The following NRG1 variants were observed in gnomAD, a reference collection of about 807,000 sequenced individuals.
The protein encoded by NRG1 is pro-neuregulin-1, membrane-bound isoform.
In NRG1, 18 loss-of-function variants were observed where a neutral mutation model predicts 63.8. The ratio of observed to expected loss-of-function variants is 0.28; its 90% CI spans 0.19 to 0.42. NRG1 has a LOEUF of 0.42. NRG1 is among the 10% of genes least tolerant of loss of function. NRG1 has a pLI of 1.00. For missense variants in NRG1, 762 were observed against 814.7 expected (o/e 0.94, Z 0.79); for synonymous variants, 302 against 301.3 (o/e 1.00, Z -0.02).
At chr8:31,833,209 T>C (rs1055859986) in intron 1 of NRG1, among the ~76,000 whole-genome samples, 1 of 152,154 alleles carries the variant, frequency 6.6e-6, no homozygotes, top group Non-Finnish European at 1.5e-5. Flanking sequence ...GTTTTTTTGA[T>C]TGGTTAACTT....
At chr8:32,372,261 A>C (rs1461187941) in intron 1 of NRG1, among the ~76,000 whole-genome samples, 1 of 151,996 alleles carries the variant, frequency 6.6e-6, no homozygotes, top group East Asian at 1.9e-4. Flanking sequence ...AAGTGCTGGG[A>C]TTACGGGTGT....
At chr8:31,887,882 A>G (rs1830843060) in intron 1 of NRG1, among the ~76,000 whole-genome samples, 1 of 152,010 alleles carries the variant, frequency 6.6e-6, no homozygotes, top group South Asian at 2.1e-4. Context: ...AAAAGTTAGA[A>G]TATGTTTTCC....
At chr8:32,746,337 C>T (rs539897432) in intron 7 of NRG1, among the ~76,000 whole-genome samples, 17 of 152,072 alleles carry the variant, frequency 1.1e-4, no homozygotes, top group Admixed American at 3.3e-4. Context: ...GAAATCTCAG[C>T]GGTACAGAAA....
At chr8:31,688,378 A>G (rs1809128910) in intron 1 of NRG1, among the ~76,000 whole-genome samples, 1 of 152,142 alleles carries the variant, frequency 6.6e-6, no homozygotes, top group Non-Finnish European at 1.5e-5. Flanking sequence ...GTGAGAAGGA[A>G]CCATCTGTGA....
intron 1 of NRG1, among the ~76,000 whole-genome samples, chr8:32,385,449 A>G (rs1362517084): frequency 1.3e-5 from 2 of 152,202 alleles, no homozygotes; most frequent in Non-Finnish European, 2.9e-5. Context: ...TGGGTAATTT[A>G]TAAATAAAAG....
At chr8:32,304,097 C>T (rs532305699) in intron 1 of NRG1, among the ~76,000 whole-genome samples, 21 of 152,340 alleles carry the variant, frequency 1.4e-4, no homozygotes, top group African/African-American at 4.8e-4. Context: ...TAGAAACGTT[C>T]ATGAGTGTTT....
exon 1 of NRG1, chr8:32,548,393 G>A: frequency 4.7e-6 from 5 of 1,062,000 alleles, no homozygotes; most frequent in South Asian, 9.0e-5. Context: ...TGAGCAGGAC[G>A]GTGATAACCT....
chr8:32,474,725 C>G (rs1331235535), intron 1 of NRG1, among the ~76,000 whole-genome samples: 1 of 151,866 alleles, frequency 6.6e-6, no homozygotes, highest in African/African-American at 2.4e-5. Flanking sequence ...GGGATGGTCT[C>G]GAACTATTAA....
intron 1 of NRG1, among the ~76,000 whole-genome samples, chr8:31,670,834 G>A (rs751450602): frequency 7.9e-5 from 12 of 152,036 alleles, no homozygotes; most frequent in African/African-American, 2.7e-4. Context: ...TCAAGGGGGT[G>A]CATATGCAGG....
At chr8:31,936,016 G>T (rs1208999919) in intron 1 of NRG1, among the ~76,000 whole-genome samples, 1 of 152,108 alleles carries the variant, frequency 6.6e-6, no homozygotes, top group Non-Finnish European at 1.5e-5. Flanking sequence ...ACAGAGAAAT[G>T]GTGAAGAGGA....
In NRG1 at chr8:32,742,780, G is replaced by A. The variant is rs750720245; in HGVS notation, c.691+47G>A. 4 of 1,613,512 alleles carry A rather than the reference G, an allele frequency of 2.5e-6. No homozygotes were observed. The highest frequency in any genetic ancestry group is 2.5e-6 in the Non-Finnish European group (3 of 1,179,548). ...CTCTGCCTGAATAGGAGCATGCTCA[G>A]TTGGTGCTGCTTTCTTGTTGCTGCA... On this transcript the variant is annotated intron_variant, in intron 7 of 11. Transcript: ENST00000356819. This position sits in a 1 kb window ranked among gnomAD's most constrained non-coding sequence, Gnocchi z 4.2.
intron 1 of NRG1, among the ~76,000 whole-genome samples, chr8:31,873,352 A>G (rs1829649401): frequency 6.6e-6 from 1 of 152,162 alleles, no homozygotes; most frequent in Non-Finnish European, 1.5e-5. Flanking sequence ...CGAGGTCAGG[A>G]GTTCGAGACC....
At chr8:32,568,681 G>A (rs879226360) in intron 1 of NRG1, among the ~76,000 whole-genome samples, 28 of 152,166 alleles carry the variant, frequency 1.8e-4, no homozygotes, top group Non-Finnish European at 2.8e-4. Context: ...CTGTTTGTGG[G>A]ATTCTAATGT....
chr8:31,696,523 G>A (rs910231299), intron 1 of NRG1, among the ~76,000 whole-genome samples: 3 of 152,208 alleles, frequency 2.0e-5, no homozygotes, highest in Admixed American at 6.5e-5. Flanking sequence ...CTGGGACAAA[G>A]TGTCAGACCT....
intron 5 of NRG1, among the ~76,000 whole-genome samples, chr8:32,715,644 T>TC (rs1819002441): frequency 6.8e-6 from 1 of 147,030 alleles, no homozygotes; most frequent in East Asian, 2.0e-4. Flanking sequence ...TCAGGCCCTT[T>TC]TTTTTTTTTT....
intron 1 of NRG1, among the ~76,000 whole-genome samples, chr8:32,174,285 C>G (rs370838010): frequency 6.6e-6 from 1 of 152,012 alleles, no homozygotes; most frequent in African/African-American, 2.4e-5. Flanking sequence ...TTGAAACCAA[C>G]GAGAACAAAG....
intron 1 of NRG1, among the ~76,000 whole-genome samples, chr8:32,351,614 G>A (rs767766331): frequency 3.3e-5 from 5 of 152,130 alleles, no homozygotes; most frequent in Admixed American, 1.3e-4. Flanking sequence ...GCCTTCCAGC[G>A]TCCATCCCAT....
At chr8:32,663,667 A>T (rs1008807879) in intron 5 of NRG1, among the ~76,000 whole-genome samples, 3 of 152,208 alleles carry the variant, frequency 2.0e-5, no homozygotes, top group Admixed American at 6.5e-5. Context: ...AGTAAAAAGC[A>T]GCAAAAAGGA....
At chr8:31,983,920 G>C (rs1482952027) in intron 1 of NRG1, among the ~76,000 whole-genome samples, 1 of 152,086 alleles carries the variant, frequency 6.6e-6, no homozygotes, top group African/African-American at 2.4e-5. Context: ...AAAGAAGAAT[G>C]TCGAAGACCA....
Sources: gnomAD v4.1 joint callset for allele counts (sites outside exome capture counted in the v4.1 genomes callset) on GRCh38, gnomAD v4.1.1 for gene constraint, Gnocchi (gnomAD v3.1) non-coding constraint, MANE v1.5 for transcripts, NCBI Gene and HGNC (gene_info 2026-07-23, HGNC 2026-07-21) for gene names.